CCDC171: variants seen among roughly 807,000 people sequenced by gnomAD.
The protein encoded by CCDC171 is coiled-coil domain containing 171.
A neutral mutation model predicts 168.2 loss-of-function variants in CCDC171; 177 were observed. That is an observed-to-expected ratio of 1.05 (90% CI 0.93 to 1.19). The LOEUF (loss-of-function observed/expected upper bound fraction) is 1.19. CCDC171 is among the 50% of genes most tolerant of loss of function. The pLI is 0.00. For synonymous variants in CCDC171, 687 were observed against 540.8 expected, an observed-to-expected ratio of 1.27 and a Z score of -3.75; for missense variants, 1,991 against 1,539.0, an observed-to-expected ratio of 1.29 and a Z score of -4.91.
the CCDC171 span, among the ~76,000 whole-genome samples, chr9:16,093,732 A>G: frequency 1.3e-5 from 2 of 152,200 alleles, no homozygotes; most frequent in Non-Finnish European, 1.5e-5. Flanking sequence ...ATGTCTCTGT[A>G]TCTTGTGAAT....
rs549312634 is a variant in CCDC171, at chr9:16,008,086, G to A, written n.369-12503G>A. Among the ~76,000 whole-genome samples, 164 of 152,090 alleles carry A rather than the reference G, an allele frequency of 1.1e-3. 1 individual carries two copies. The highest frequency in any genetic ancestry group is 3.6e-3 in the African/African-American group (149 of 41,494). On this transcript the variant is annotated intron_variant and non_coding_transcript_variant, in intron 3 of 9. Transcript: ENST00000486641. ...CACAAAAGTTTTCAACTTTAATGAC[G>A]TCAAGTTTATCCATTTTTTTGTTCA...
chr9:15,628,858 G>A (rs1179153910), intron 7 of CCDC171, among the ~76,000 whole-genome samples: 1 of 152,194 alleles, frequency 6.6e-6, no homozygotes, highest in Non-Finnish European at 1.5e-5. Flanking sequence ...TCAGACAGCA[G>A]CATTAACGGT....
chr9:16,087,342 C>A, the CCDC171 span, among the ~76,000 whole-genome samples: 6 of 152,002 alleles, frequency 3.9e-5, no homozygotes, highest in East Asian at 1.2e-3. Flanking sequence ...TTAAAGCCTC[C>A]CACTATTATT....
Position 15,971,930 on chromosome 9 carries a change from G to C in CCDC171, c.*94G>C. On this transcript the variant is annotated 3_prime_UTR_variant, in exon 26 of 26. Coordinates refer to ENST00000380701, the MANE Select transcript of CCDC171 (RefSeq NM_173550.4). ...TTATCAGTTGACTTTTGTTTCAGCA[G>C]AAGTGGCAGTGGATTTAAAAAATTT... 9.1e-7 allele frequency: 1 copy of C among 1,093,766 alleles called. No individual in the cohort carries two copies. The highest frequency in any genetic ancestry group is 1.4e-6 in the Non-Finnish European group (1 of 738,008). 67.8% of individuals were successfully genotyped at this position (1,093,766 alleles called of 1,614,324 possible). A position where few individuals can be genotyped will look rare whatever the true frequency, so the allele number is the denominator to read the frequency against.
chr9:15,659,663 G>A (rs1267046364), intron 8 of CCDC171, among the ~76,000 whole-genome samples: 1 of 152,146 alleles, frequency 6.6e-6, no homozygotes, highest in Non-Finnish European at 1.5e-5. Flanking sequence ...AGAAAAAGTA[G>A]TTTTAAGCTT....
intron 20 of CCDC171, among the ~76,000 whole-genome samples, chr9:15,781,305 T>A (rs543235106): frequency 1.6e-4 from 24 of 152,310 alleles, no homozygotes; most frequent in African/African-American, 5.8e-4. Context: ...GGTGACAGAA[T>A]CCTCTTGTAA....
At chr9:15,571,412 T>C (rs531754308) in intron 2 of CCDC171, among the ~76,000 whole-genome samples, 14 of 152,282 alleles carry the variant, frequency 9.2e-5, no homozygotes, top group Non-Finnish European at 1.8e-4. Context: ...AGACAGTGGT[T>C]TGTTGCTAGG....
chr9:15,853,281 A>G (rs1454461677), intron 23 of CCDC171, among the ~76,000 whole-genome samples: 3 of 151,692 alleles, frequency 2.0e-5, no homozygotes, highest in East Asian at 3.9e-4. Flanking sequence ...TTTTCAGTGT[A>G]TAAGTTAGGC....
intron 21 of CCDC171, among the ~76,000 whole-genome samples, chr9:15,806,707 A>C (rs1332663482): frequency 1.3e-5 from 2 of 151,728 alleles, no homozygotes; most frequent in African/African-American, 4.8e-5. Context: ...GTGTCTTGGG[A>C]TGCTCTTGTG....
chr9:15,950,729 A>T (rs1016442719), intron 25 of CCDC171, among the ~76,000 whole-genome samples: 1 of 152,082 alleles, frequency 6.6e-6, no homozygotes, highest in Non-Finnish European at 1.5e-5. Context: ...TGAGCAAAAT[A>T]ACCAGCTAAC....
At chr9:15,839,052 T>C (rs2060567127) in intron 21 of CCDC171, among the ~76,000 whole-genome samples, 1 of 152,212 alleles carries the variant, frequency 6.6e-6, no homozygotes, top group Non-Finnish European at 1.5e-5. Flanking sequence ...TCTTGAGTTA[T>C]ATAAAATTCT....
At chr9:16,044,964 C>G (rs1269809165) in intron 1 of CCDC171, among the ~76,000 whole-genome samples, 1 of 152,214 alleles carries the variant, frequency 6.6e-6, no homozygotes, top group Non-Finnish European at 1.5e-5. Flanking sequence ...CCAATCTGGT[C>G]TCTGCTCTTT....
downstream of CCDC171, among the ~76,000 whole-genome samples, chr9:16,066,646 A>G (rs573400292): frequency 1.5e-5 from 2 of 131,196 alleles, no homozygotes; most frequent in East Asian, 2.4e-4. Flanking sequence ...AGAGTGTGAT[A>G]TTCCCCTTCC....
At chr9:15,982,666 C>G (rs1226409791) in intron 3 of CCDC171, among the ~76,000 whole-genome samples, 1 of 152,130 alleles carries the variant, frequency 6.6e-6, no homozygotes, top group Non-Finnish European at 1.5e-5. Context: ...TTCTGTGCCT[C>G]TGCTTCCTTC....
intron 7 of CCDC171, among the ~76,000 whole-genome samples, chr9:15,649,339 C>T (rs897735261): frequency 6.6e-6 from 1 of 152,152 alleles, no homozygotes; most frequent in African/African-American, 2.4e-5. Flanking sequence ...TAGGCATGGG[C>T]AAGGACTTCA....
At chr9:15,969,369 T>C (rs963390294) in intron 25 of CCDC171, among the ~76,000 whole-genome samples, 5 of 152,182 alleles carry the variant, frequency 3.3e-5, no homozygotes, top group Admixed American at 6.6e-5. Context: ...ATGTGTTAGG[T>C]TGATGGATTT....
intron 11 of CCDC171, among the ~76,000 whole-genome samples, chr9:15,714,950 T>C (rs1183491412): frequency 6.6e-6 from 1 of 152,214 alleles, no homozygotes. Flanking sequence ...TTGCTTTGAC[T>C]CCACTACCCA....
intron 20 of CCDC171, among the ~76,000 whole-genome samples, chr9:15,779,675 T>A (rs557872854): frequency 6.6e-6 from 1 of 152,320 alleles, no homozygotes; most frequent in Admixed American, 6.5e-5. Flanking sequence ...TCTTCTTATA[T>A]TGAATATTTT....
chr9:15,924,025 A>G (rs1450723253), intron 25 of CCDC171, among the ~76,000 whole-genome samples: 1 of 151,456 alleles, frequency 6.6e-6, no homozygotes, highest in Admixed American at 6.6e-5. Flanking sequence ...AGATATATAG[A>G]TATAGGTATA....
Sources: gnomAD v4.1 joint callset for allele counts (sites outside exome capture counted in the v4.1 genomes callset) on GRCh38, gnomAD v4.1.1 for gene constraint, MANE v1.5 for transcripts, NCBI Gene and HGNC (gene_info 2026-07-23, HGNC 2026-07-21) for gene names.